The following PSEN1 variants were observed in gnomAD, a reference collection of about 807,000 sequenced individuals.
PSEN1 encodes the protein presenilin 1.
In PSEN1, 15 loss-of-function variants were observed where a neutral mutation model predicts 53.5. That is an observed-to-expected ratio of 0.28 (90% CI 0.19 to 0.43). The LOEUF is 0.43. Among genes scored for constraint, PSEN1 ranks in the 20% least tolerant of loss-of-function variants. The probability of loss-of-function intolerance (pLI) is 1.00; values close to 1 mark genes in which losing one functional copy is unlikely to be tolerated. For missense variants in PSEN1, 387 were observed against 571.2 expected (o/e 0.68, Z 3.29); for synonymous variants, 208 against 209.8 (o/e 0.99, Z 0.08).
intron 3 of PSEN1, among the ~76,000 whole-genome samples, chr14:73,154,924 A>G (rs1367608451): frequency 6.6e-6 from 1 of 152,190 alleles, no homozygotes; most frequent in Non-Finnish European, 1.5e-5. Context: ...GCTTTCTTGT[A>G]TGCTGTGTTC....
At chr14:73,197,756 A>G (rs571218451) in intron 7 of PSEN1, 3 of 435,050 alleles carry the variant, frequency 6.9e-6, no homozygotes, top group Non-Finnish European at 8.5e-6. Context: ...ACTTGTTCCT[A>G]TACCCCAGTA....
In PSEN1 at chr14:73,219,121, A is replaced by G. The variant is rs1180208607; in HGVS notation, c.1249-13A>G. On this transcript the variant is annotated splice_polypyrimidine_tract_variant and intron_variant, in intron 11 of 11. Coordinates refer to ENST00000324501, the MANE Select transcript of PSEN1 (RefSeq NM_000021.4). The stretch of plus-strand genomic sequence containing the variant: ...TTATGTGTGAATGTGTGTCTTTCCC[A>G]TCTTCTCCACAGGGTTTGTGCCTTA... 1 of 1,613,556 alleles carries G rather than the reference A, an allele frequency of 6.2e-7. No individual in the cohort carries two copies. The highest frequency in any genetic ancestry group is 8.5e-7 in the Non-Finnish European group (1 of 1,179,610).
At chr14:73,183,204 G>A (rs1387720676) in intron 5 of PSEN1, among the ~76,000 whole-genome samples, 4 of 152,112 alleles carry the variant, frequency 2.6e-5, no homozygotes, top group South Asian at 2.1e-4. Context: ...CACAACCTCC[G>A]CCTCTCAGGT....
rs1016931550 is a variant in PSEN1, at chr14:73,222,882, C to T, written c.*3593C>T. The T allele has an allele frequency of 1.3e-5, 2 of 152,240 alleles. No homozygotes were observed. The highest frequency in any genetic ancestry group is 4.8e-5 in the African/African-American group (2 of 41,458). 9.4% of individuals were successfully genotyped at this position (152,240 alleles called of 1,614,324 possible). Reference sequence around the variant, plus strand: ...AAGGAACAGTTTGACCTGCCCTTCTCCTCACCTCCTCACCTGCCTTCCAAC... The same window carrying T: ...AAGGAACAGTTTGACCTGCCCTTCTTCTCACCTCCTCACCTGCCTTCCAAC... On this transcript the variant is annotated 3_prime_UTR_variant, in exon 12 of 12. Transcript: ENST00000324501.
At chr14:73,204,253 C>T (rs986696457) in intron 8 of PSEN1, among the ~76,000 whole-genome samples, 1 of 150,580 alleles carries the variant, frequency 6.6e-6, no homozygotes, top group African/African-American at 2.4e-5. Flanking sequence ...CCACCTCCGA[C>T]TCCCAAAGTG....
At chr14:73,205,056 T>G (rs1899395039) in intron 8 of PSEN1, among the ~76,000 whole-genome samples, 2 of 152,332 alleles carry the variant, frequency 1.3e-5, no homozygotes, top group Admixed American at 1.3e-4. Flanking sequence ...AACAAGGTGG[T>G]CGTTCAGCTT....
chr14:73,170,315 A>T (rs967417444), intron 3 of PSEN1, among the ~76,000 whole-genome samples: 1 of 152,178 alleles, frequency 6.6e-6, no homozygotes, highest in Admixed American at 6.5e-5. Context: ...GCAGCCCAGT[A>T]GGTCTTGGCC....
intron 7 of PSEN1, chr14:73,197,814 T>A: frequency 5.4e-6 from 3 of 553,664 alleles, no homozygotes; most frequent in Non-Finnish European, 9.7e-6. Flanking sequence ...CAAATGAAAT[T>A]TTTACAGATG....
At chr14:73,198,847 C>T (rs1899061962) in intron 8 of PSEN1, among the ~76,000 whole-genome samples, 1 of 152,152 alleles carries the variant, frequency 6.6e-6, no homozygotes, top group Admixed American at 6.5e-5. Flanking sequence ...GATCATGGCT[C>T]ACTGCAGCCT....
intron 3 of PSEN1, among the ~76,000 whole-genome samples, chr14:73,148,936 ATAAAT>A (rs1897144978): frequency 2.0e-5 from 3 of 152,226 alleles, no homozygotes; most frequent in Admixed American, 2.0e-4. Context: ...CATCTCAAAA[ATAAAT>A]AAATAAACAA....
chr14:73,204,706 T>C (rs1367913246), intron 8 of PSEN1, among the ~76,000 whole-genome samples: 1 of 152,132 alleles, frequency 6.6e-6, no homozygotes, highest in Non-Finnish European at 1.5e-5. Flanking sequence ...GAAAACCTAA[T>C]AAATCGCTGG....
chr14:73,161,946 G>A (rs530433528), intron 3 of PSEN1, among the ~76,000 whole-genome samples: 2 of 148,836 alleles, frequency 1.3e-5, no homozygotes, highest in South Asian at 4.2e-4. Context: ...CCTGAGGTCA[G>A]GAGTTTGAGA....
At chr14:73,149,193 C>T (rs1240539647) in intron 3 of PSEN1, among the ~76,000 whole-genome samples, 1 of 152,072 alleles carries the variant, frequency 6.6e-6, no homozygotes, top group Non-Finnish European at 1.5e-5. Context: ...ATAAAAAGAA[C>T]TTTCTCATAG....
chr14:73,185,426 A>G (rs1418996661), intron 5 of PSEN1, among the ~76,000 whole-genome samples: 1 of 152,222 alleles, frequency 6.6e-6, no homozygotes, highest in Non-Finnish European at 1.5e-5. Context: ...CAACACAGCG[A>G]AACCCCGTCT....
chr14:73,161,377 T>C (rs925764718), intron 3 of PSEN1, among the ~76,000 whole-genome samples: 54 of 152,332 alleles, frequency 3.5e-4, no homozygotes, highest in African/African-American at 1.3e-3. Context: ...TGTCTATTTT[T>C]GTTTTTGTTC....
chr14:73,138,847 G>A (rs1328669822), intron 1 of PSEN1, among the ~76,000 whole-genome samples: 1 of 151,156 alleles, frequency 6.6e-6, no homozygotes, highest in Non-Finnish European at 1.5e-5. Flanking sequence ...GGCGCCTGTA[G>A]TCCCAGCTAC....
At chr14:73,146,583 G>C (rs1232872525) in intron 1 of PSEN1, among the ~76,000 whole-genome samples, 1 of 152,050 alleles carries the variant, frequency 6.6e-6, no homozygotes. Flanking sequence ...ATGTCACCTT[G>C]GTTAAAAATG....
intron 3 of PSEN1, among the ~76,000 whole-genome samples, chr14:73,158,282 TTCTATCTATCTATCTATCTATCTA>T (rs56240305): frequency 8.5e-5 from 12 of 141,574 alleles, no homozygotes; most frequent in Admixed American, 5.0e-4. Flanking sequence ...TAACTTTTTT[TTCTATCTATCTATCTATCTATCTA>T]TCTATCTATC....
chr14:73,202,191 T>C lies in PSEN1; in HGVS notation c.868+4062T>C, dbSNP rs117636016. On this transcript the variant is annotated intron_variant, in intron 8 of 11. Coordinates refer to ENST00000324501, the MANE Select transcript of PSEN1 (RefSeq NM_000021.4). ...TCCCGAGTAGTTGAGATTACAAGCATGCGCCACTATACCTGGCTAATTTTT... is the reference window on the plus strand; with the variant it reads ...TCCCGAGTAGTTGAGATTACAAGCACGCGCCACTATACCTGGCTAATTTTT... Among the ~76,000 whole-genome samples, 17 of 143,878 alleles carry C rather than the reference T, an allele frequency of 1.2e-4. No individual in the cohort carries two copies. In the East Asian group the frequency reaches 2.3e-3, roughly 19 times the overall value. 94.4% of individuals were successfully genotyped at this position (143,878 alleles called of 152,430 possible). A position where few individuals can be genotyped will look rare whatever the true frequency, so the allele number is the denominator to read the frequency against.
Sources: gnomAD v4.1 joint callset for allele counts (sites outside exome capture counted in the v4.1 genomes callset) on GRCh38, gnomAD v4.1.1 for gene constraint, MANE v1.5 for transcripts, NCBI Gene and HGNC (gene_info 2026-07-23, HGNC 2026-07-21) for gene names.